Variants in RIPK1 observed in about 807,000 individuals in gnomAD.
RIPK1 encodes the protein receptor-interacting serine/threonine-protein kinase 1.
In RIPK1, 27 loss-of-function variants were observed where a neutral mutation model predicts 62.4. The ratio of observed to expected loss-of-function variants is 0.43; its 90% CI spans 0.32 to 0.60. The LOEUF is 0.60. Among genes scored for constraint, RIPK1 ranks in the 20% least tolerant of loss-of-function variants. The pLI, the probability that RIPK1 is intolerant of heterozygous loss-of-function variation, is 0.07. For missense variants in RIPK1, 735 were observed against 831.0 expected (o/e 0.88, Z 1.42); for synonymous variants, 287 against 303.2 (o/e 0.95, Z 0.55).
upstream of RIPK1, among the ~76,000 whole-genome samples, chr6:3,065,264 CAAAAAAAAAAAAAA>C (rs57722248): frequency 1.5e-4 from 6 of 40,622 alleles, no homozygotes; most frequent in East Asian, 1.6e-3. Flanking sequence ...GACTCCGTCT[CAAAAAAAAAAAAAA>C]AAAAAAAAAA....
chr6:3,090,444 T>C (rs913609968), intron 7 of RIPK1, among the ~76,000 whole-genome samples: 5 of 152,094 alleles, frequency 3.3e-5, no homozygotes, highest in African/African-American at 1.2e-4. Context: ...AGATAAACTC[T>C]AAGGCAAAAA....
intron 6 of RIPK1, among the ~76,000 whole-genome samples, chr6:3,088,210 T>C (rs1205346157): frequency 1.3e-5 from 2 of 152,194 alleles, no homozygotes; most frequent in Non-Finnish European, 2.9e-5. Flanking sequence ...GCCACCTTAT[T>C]AGTGCTGGGT....
chr6:3,082,993 T>G, intron 4 of RIPK1, 92 bp from the exon 5 acceptor site: 1 of 1,228,850 alleles, frequency 8.1e-7, no homozygotes, highest in Non-Finnish European at 1.2e-6. Context: ...TACCGTACCT[T>G]ATGTATAATG....
chr6:3,099,865 A>G (rs1364597132), intron 7 of RIPK1, among the ~76,000 whole-genome samples: 3 of 152,220 alleles, frequency 2.0e-5, no homozygotes, highest in East Asian at 3.8e-4. Flanking sequence ...TCAGTAATCT[A>G]TACTGCTCAC....
intron 2 of RIPK1, 149 bp from the exon 3 acceptor site, chr6:3,077,630 C>A: frequency 1.3e-6 from 1 of 752,110 alleles, no homozygotes; most frequent in Non-Finnish European, 2.1e-6. Context: ...AACCGCTCTG[C>A]CTTCTAACGC....
intron 7 of RIPK1, among the ~76,000 whole-genome samples, chr6:3,101,630 GA>G (rs58369801): frequency 7.4e-5 from 11 of 148,358 alleles, no homozygotes; most frequent in Admixed American, 2.7e-4. Flanking sequence ...ATAAAACTAG[GA>G]AAAAAAAAAC....
At chr6:3,086,992 A>G (rs796890041) in intron 6 of RIPK1, among the ~76,000 whole-genome samples, 1 of 152,368 alleles carries the variant, frequency 6.6e-6, no homozygotes, top group African/African-American at 2.4e-5. Context: ...TGCCATGAAC[A>G]AAATCAAACC....
intron 1 of RIPK1, among the ~76,000 whole-genome samples, chr6:3,071,615 T>C (rs1392882629): frequency 6.6e-6 from 1 of 152,214 alleles, no homozygotes; most frequent in African/African-American, 2.4e-5. Flanking sequence ...TCAGTGCTCA[T>C]AAAGTTGAAT....
chr6:3,107,790 T>C (rs1018035103), intron 9 of RIPK1, among the ~76,000 whole-genome samples: 4 of 151,976 alleles, frequency 2.6e-5, no homozygotes, highest in Non-Finnish European at 5.9e-5. Context: ...AGAAATCTCT[T>C]TGTGTTTTCA....
intron 7 of RIPK1, among the ~76,000 whole-genome samples, chr6:3,103,268 TG>T (rs1257895067): frequency 6.6e-6 from 1 of 151,560 alleles, no homozygotes; most frequent in Non-Finnish European, 1.5e-5. Flanking sequence ...ATATATTGTT[TG>T]CAACTTTTTC....
In RIPK1 at chr6:3,077,788, G is replaced by A. The variant is rs768156853; in HGVS notation, c.174G>A (p.Glu58=). Residue 58 remains glutamate (E), a synonymous_variant, in exon 3 of 11, where the codon GAG becomes GAA. Transcript: ENST00000259808. ...CCTTTCCTGCCCACAGGCACAACGA[G>A]GCCCTCTTGGAGGAGGCGAAGATGA... ...YKGPNCIEHN[E]ALLEEAKMMN... 1 of 1,614,108 alleles carries A rather than the reference G, an allele frequency of 6.2e-7. No individual in the cohort carries two copies. Among genetic ancestry groups the A allele is most frequent in the Non-Finnish European group, 8.5e-7 (1 of 1,180,018 alleles).
chr6:3,076,695 AAAACATAT>A (rs1310457088), intron 1 of RIPK1, 61 bp from the exon 2 acceptor site: 1,575 of 22,484 alleles, frequency 0.07, 156 homozygotes, highest in African/African-American at 0.15. Context: ...GAGAAAAAAA[AAAACATAT>A]ATATATATAT....
At chr6:3,099,480 C>T (rs1456301642) in intron 7 of RIPK1, among the ~76,000 whole-genome samples, 1 of 152,138 alleles carries the variant, frequency 6.6e-6, no homozygotes, top group Non-Finnish European at 1.5e-5. Flanking sequence ...GGAGGCGGAG[C>T]TTGCAGTGAG....
rs550788023 is a variant in RIPK1, at chr6:3,105,368, C to T, written c.1007-114C>T. 1.1e-5 allele frequency: 9 copies of T among 806,770 alleles called. No individual in the cohort carries two copies. The highest frequency in any genetic ancestry group is 1.8e-5 in the South Asian group (1 of 55,182). 50.0% of individuals were successfully genotyped at this position (806,770 alleles called of 1,614,324 possible). ...TCTCCTAAATGCTTTGGACTGGTCT[C>T]GTACTTGTTTTCTGTGTGTTACTTT... On this transcript the variant is annotated intron_variant, in intron 8 of 10. Coordinates refer to ENST00000259808, the MANE Select transcript of RIPK1 (RefSeq NM_001354930.2). This position sits in a 1 kb window ranked among gnomAD's most constrained non-coding sequence, Gnocchi z 4.5.
intron 6 of RIPK1, among the ~76,000 whole-genome samples, chr6:3,086,135 C>T (rs929502749): frequency 5.9e-5 from 9 of 152,114 alleles, no homozygotes; most frequent in East Asian, 1.9e-4. Flanking sequence ...GGAAAGGTGC[C>T]GGGATGTTTG....
At chr6:3,096,774 T>C (rs1247147505) in intron 7 of RIPK1, among the ~76,000 whole-genome samples, 1 of 151,150 alleles carries the variant, frequency 6.6e-6, no homozygotes, top group Non-Finnish European at 1.5e-5. Context: ...TCAGCTAAGA[T>C]GGTCTCGATC....
intron 7 of RIPK1, among the ~76,000 whole-genome samples, chr6:3,090,825 C>A (rs9765947): frequency 1.2e-5 from 1 of 85,020 alleles, no homozygotes; most frequent in African/African-American, 5.8e-5. Flanking sequence ...AACCGCAGCG[C>A]ACCTACCTGC....
rs201997109 is a variant in RIPK1, at chr6:3,083,043, G to C, written c.460-42G>C. 2.0e-3 allele frequency: 3,109 copies of C among 1,582,762 alleles called. 28 individuals carry two copies. The highest frequency in any genetic ancestry group is 0.012 in the South Asian group (1,103 of 90,424). On this transcript the variant is annotated intron_variant, in intron 4 of 10. Transcript: ENST00000259808. ...TGAAAGTCAGATCTGATTTGCTTAC[G>C]GCCTTCACCAAACAATCCCAGTGGC...
intron 1 of RIPK1, among the ~76,000 whole-genome samples, chr6:3,073,131 TATATAC>T (rs1222631449): frequency 9.2e-5 from 14 of 151,912 alleles, no homozygotes; most frequent in African/African-American, 3.1e-4. Context: ...CATATACAAA[TATATAC>T]ATATACGTAT....
Sources: allele counts gnomAD v4.1 joint callset (sites outside exome capture counted in the v4.1 genomes callset), GRCh38; gene constraint gnomAD v4.1.1; non-coding constraint Gnocchi (gnomAD v3.1); transcripts MANE v1.5; gene names NCBI Gene and HGNC (gene_info 2026-07-23, HGNC 2026-07-21).